The following RBFOX1 variants were observed in gnomAD, a reference collection of about 807,000 sequenced individuals.
RBFOX1 encodes the protein RNA binding protein fox-1 homolog 1.
A neutral mutation model predicts 57.7 loss-of-function variants in RBFOX1; 8 were observed. The observed-to-expected ratio is 0.14, with a 90% CI of 0.08 to 0.25. RBFOX1 has a LOEUF of 0.25. RBFOX1 is among the 10% of genes least tolerant of loss of function. RBFOX1 has a pLI of 1.00. For missense variants in RBFOX1, 611 were observed against 548.5 expected (o/e 1.11, Z -1.14); for synonymous variants, 326 against 222.4 (o/e 1.47, Z -4.15).
chr16:6,994,945 T>TG (rs2092031685), intron 3 of RBFOX1, among the ~76,000 whole-genome samples: 3 of 147,994 alleles, frequency 2.0e-5, no homozygotes, highest in African/African-American at 5.0e-5. Flanking sequence ...TTGCATTATT[T>TG]TGTGTGTGTG....
intron 2 of RBFOX1, among the ~76,000 whole-genome samples, chr16:6,648,308 G>T (rs1389417582): frequency 6.6e-6 from 1 of 151,840 alleles, no homozygotes; most frequent in African/African-American, 2.4e-5. Context: ...CGATCCTCTG[G>T]ACTCGGCCTC....
intron 1 of RBFOX1, among the ~76,000 whole-genome samples, chr16:6,064,535 CT>C (rs1168667814): frequency 1.3e-5 from 2 of 151,940 alleles, no homozygotes; most frequent in East Asian, 1.9e-4. Context: ...ATACAATTTT[CT>C]TTTTTTTATT....
intron 4 of RBFOX1, among the ~76,000 whole-genome samples, chr16:7,449,545 C>T (rs1362843075): frequency 6.6e-6 from 1 of 152,044 alleles, no homozygotes; most frequent in Non-Finnish European, 1.5e-5. Context: ...TGTAATTTTG[C>T]ATTGTTTGTT....
At chr16:5,296,374 T>A (rs1203162752) in intron 1 of RBFOX1, among the ~76,000 whole-genome samples, 1 of 152,186 alleles carries the variant, frequency 6.6e-6, no homozygotes, top group Non-Finnish European at 1.5e-5. Flanking sequence ...TAAGTCTGCA[T>A]CCTCACTGCA....
chr16:5,651,267 G>T (rs1180612826), intron 3 of RBFOX1, among the ~76,000 whole-genome samples: 1 of 151,854 alleles, frequency 6.6e-6, no homozygotes, highest in Non-Finnish European at 1.5e-5. Context: ...TGACCAGGCT[G>T]GTCTGGAACT....
intron 3 of RBFOX1, among the ~76,000 whole-genome samples, chr16:6,937,989 G>T (rs1208676887): frequency 9.9e-6 from 1 of 101,082 alleles, no homozygotes; most frequent in African/African-American, 3.9e-5. Context: ...GTGGGGGTGG[G>T]GGGTGGGCTT....
In RBFOX1 at chr16:6,454,584, C is replaced by T. The variant is rs11865727; in HGVS notation, c.-64+137527C>T. On this transcript the variant is annotated intron_variant, in intron 2 of 15. Transcript: ENST00000550418. ...AAAACAAGGAAACAAAAAATGAAAA[C>T]AAACAAAAAACACCTTAAACAAATA... 6.6e-3 allele frequency among the ~76,000 whole-genome samples: 998 copies of T among 152,100 alleles called. 11 individuals carry two copies. Among genetic ancestry groups the T allele is most frequent in the African/African-American group, 0.023 (951 of 41,508 alleles).
intron 3 of RBFOX1, among the ~76,000 whole-genome samples, chr16:5,855,380 A>G (rs2056999104): frequency 6.6e-6 from 1 of 152,110 alleles, no homozygotes; most frequent in South Asian, 2.1e-4. Context: ...TCTTTAATCC[A>G]TTTTGAGTAG....
In RBFOX1 at chr16:6,943,073, T is replaced by G. The variant is rs936844707; in HGVS notation, c.-15-108984T>G. 2.0e-5 allele frequency among the ~76,000 whole-genome samples: 3 copies of G among 152,164 alleles called. No homozygotes were observed. The South Asian group carries it at 6.2e-4, about 32-fold the overall frequency. On this transcript the variant is annotated intron_variant, in intron 3 of 15. Coordinates refer to ENST00000550418, the MANE Select transcript of RBFOX1 (RefSeq NM_018723.4). ...CTGAATGCCTTTACGTTAGATGCTGTTGGGATTCAGAGCAGGTCCCCAGGA... is the reference window on the plus strand; with the variant it reads ...CTGAATGCCTTTACGTTAGATGCTGGTGGGATTCAGAGCAGGTCCCCAGGA...
At chr16:7,609,339 A>C (rs190026308) in intron 10 of RBFOX1, among the ~76,000 whole-genome samples, 1 of 152,162 alleles carries the variant, frequency 6.6e-6, no homozygotes, top group South Asian at 2.1e-4. Flanking sequence ...CCTTGGGTCT[A>C]TTAAGCAGGA....
intron 2 of RBFOX1, among the ~76,000 whole-genome samples, chr16:6,470,890 C>T (rs2095159110): frequency 6.6e-6 from 1 of 152,030 alleles, no homozygotes; most frequent in Non-Finnish European, 1.5e-5. Context: ...TCCTCTTTTC[C>T]ATTATACCGT....
At chr16:6,351,247 T>G (rs1323836401) in intron 2 of RBFOX1, among the ~76,000 whole-genome samples, 2 of 150,434 alleles carry the variant, frequency 1.3e-5, no homozygotes, top group African/African-American at 4.9e-5. Flanking sequence ...TATATGCATA[T>G]GCGTTTGAAT....
At chr16:5,897,051 C>T (rs1218894353) in intron 4 of RBFOX1, among the ~76,000 whole-genome samples, 12 of 66,774 alleles carry the variant, frequency 1.8e-4, no homozygotes, top group Non-Finnish European at 2.9e-4. Flanking sequence ...TTTTTTGGGA[C>T]GGAGTCTCGC....
At chr16:7,325,580 G>A (rs1470786422) in intron 4 of RBFOX1, among the ~76,000 whole-genome samples, 1 of 152,194 alleles carries the variant, frequency 6.6e-6, no homozygotes, top group African/African-American at 2.4e-5. Flanking sequence ...GTGGGGAGAT[G>A]TGACTTCTCT....
chr16:5,269,577 A>G (rs112505726), intron 1 of RBFOX1, among the ~76,000 whole-genome samples: 49,900 of 150,440 alleles, frequency 0.33, 7,527 homozygotes, highest in African/African-American at 0.39. Context: ...GCATGGGTGA[A>G]CCTTCAAAAC....
At chr16:6,550,200 C>T (rs971785823) in intron 2 of RBFOX1, among the ~76,000 whole-genome samples, 1 of 151,960 alleles carries the variant, frequency 6.6e-6, no homozygotes, top group African/African-American at 2.4e-5. Flanking sequence ...GGCGGGGGGA[C>T]AGAGTCTTAC....
intron 4 of RBFOX1, among the ~76,000 whole-genome samples, chr16:5,987,906 G>A (rs1213288427): frequency 3.3e-5 from 5 of 152,096 alleles, no homozygotes; most frequent in Admixed American, 2.6e-4. Context: ...ACTGTGACAT[G>A]GGAACTGTAT....
At chr16:5,871,427 C>A (rs936796524) in intron 4 of RBFOX1, among the ~76,000 whole-genome samples, 1 of 152,156 alleles carries the variant, frequency 6.6e-6, no homozygotes, top group Admixed American at 6.5e-5. Context: ...ATTAATTGGC[C>A]CTGCATGGTT....
At chr16:5,705,969 G>T (rs1486765622) in intron 3 of RBFOX1, among the ~76,000 whole-genome samples, 1 of 152,118 alleles carries the variant, frequency 6.6e-6, no homozygotes, top group Non-Finnish European at 1.5e-5. Context: ...GGAGTGCAGT[G>T]GTGTGCTCTC....
Sources: allele counts gnomAD v4.1 joint callset (sites outside exome capture counted in the v4.1 genomes callset), GRCh38; gene constraint gnomAD v4.1.1; transcripts MANE v1.5; gene names NCBI Gene and HGNC (gene_info 2026-07-23, HGNC 2026-07-21).